Variants in CLVS1 observed in about 807,000 individuals in gnomAD.
CLVS1 encodes clavesin 1.
CLVS1 carries 10 observed loss-of-function variants against 33.1 expected under a neutral mutation model. That is an observed-to-expected ratio of 0.30 (90% CI 0.19 to 0.51). The LOEUF (loss-of-function observed/expected upper bound fraction) is 0.51. Ranked by LOEUF, CLVS1 falls within the 20% of genes least tolerant of loss-of-function variation. CLVS1 has a pLI of 0.97. For synonymous variants in CLVS1, 163 were observed against 166.1 expected (o/e 0.98, Z 0.14); for missense variants, 343 against 433.4 (o/e 0.79, Z 1.85).
intron 3 of CLVS1, among the ~76,000 whole-genome samples, chr8:61,398,083 C>T (rs530138054): frequency 6.6e-6 from 1 of 151,874 alleles, no homozygotes; most frequent in African/African-American, 2.4e-5. Flanking sequence ...TCTAGACCTA[C>T]TTGGGGAGTA....
rs528666671 is a variant in CLVS1, at chr8:61,185,176, C to CTCCA, written c.-152+53319_-152+53322dup. On this transcript the variant is annotated intron_variant, in intron 2 of 2. Transcript: ENST00000522621. ...TTTTGTTTTTTGTGACAAGATCTTG[C>CTCCA]TCCATCAGCCAGGCTAGAGTGCAGT... 9.1e-3 allele frequency among the ~76,000 whole-genome samples: 1,373 copies of CTCCA among 150,210 alleles called. 14 individuals are homozygous for CTCCA. Among genetic ancestry groups the CTCCA allele is most frequent in the Non-Finnish European group, 0.015 (1,013 of 67,770 alleles).
At chr8:61,312,657 C>A (rs968815921) in intron 2 of CLVS1, among the ~76,000 whole-genome samples, 1 of 152,164 alleles carries the variant, frequency 6.6e-6, no homozygotes, top group East Asian at 1.9e-4. Context: ...GTTAATAATG[C>A]TCCCAGGCAT....
intron 1 of CLVS1, among the ~76,000 whole-genome samples, chr8:61,086,459 A>G (rs1405281757): frequency 6.6e-6 from 1 of 152,250 alleles, no homozygotes; most frequent in East Asian, 1.9e-4. Context: ...TGCAAAGAAC[A>G]TACTTATACT....
rs1563484088 is a variant in CLVS1 at position 61,299,688 on chromosome 8, C to T, written c.-140C>T. 1 of 608,518 alleles carries T rather than the reference C, an allele frequency of 1.6e-6. No homozygotes were observed. Among genetic ancestry groups the T allele is most frequent in the Non-Finnish European group, 2.9e-6 (1 of 347,300 alleles). The allele number at this position is 608,518 out of a possible 1,614,324, so 37.7% of individuals were successfully genotyped here. Reference sequence around the variant, plus strand: ...TATTTGTTTTTCAGTAAGCAATGGCCTCAGTTTTGCTTCTGTTTTGGATGA... The same window carrying T: ...TATTTGTTTTTCAGTAAGCAATGGCTTCAGTTTTGCTTCTGTTTTGGATGA... On this transcript the variant is annotated 5_prime_UTR_variant, in exon 2 of 6. Transcript: ENST00000325897.
intron 2 of CLVS1, among the ~76,000 whole-genome samples, chr8:61,139,102 G>C (rs981575548): frequency 1.3e-5 from 2 of 152,236 alleles, no homozygotes; most frequent in Non-Finnish European, 2.9e-5. Flanking sequence ...TTGCTGCTAC[G>C]CCGCCCTTGA....
chr8:61,458,708 G>C (rs916401990), intron 5 of CLVS1, 166 bp downstream of exon 5: 1 of 565,688 alleles, frequency 1.8e-6, no homozygotes, highest in Non-Finnish European at 3.1e-6. Context: ...AAACAAATGG[G>C]GCTTGGCTGG....
intron 5 of CLVS1, among the ~76,000 whole-genome samples, chr8:61,472,336 G>T (rs907536163): frequency 2.0e-5 from 3 of 152,068 alleles, no homozygotes; most frequent in African/African-American, 7.3e-5. Context: ...AGTTTCTGGA[G>T]AGGGGAGGGA....
At chr8:61,318,567 A>T (rs919491287) in intron 2 of CLVS1, among the ~76,000 whole-genome samples, 1 of 152,186 alleles carries the variant, frequency 6.6e-6, no homozygotes, top group Admixed American at 6.5e-5. Context: ...CCCTTTTATT[A>T]TTTCTATCTT....
At chr8:61,192,975 A>T (rs529380956) in intron 2 of CLVS1, among the ~76,000 whole-genome samples, 2 of 152,316 alleles carry the variant, frequency 1.3e-5, no homozygotes, top group African/African-American at 4.8e-5. Context: ...TTCCTCAAGG[A>T]TCTAGAACTA....
At chr8:61,433,061 C>A (rs945427228) in intron 3 of CLVS1, among the ~76,000 whole-genome samples, 6 of 152,200 alleles carry the variant, frequency 3.9e-5, no homozygotes, top group Admixed American at 3.9e-4. Context: ...TCAGGTGATC[C>A]TCTCACTTCA....
intron 5 of CLVS1, among the ~76,000 whole-genome samples, chr8:61,468,052 C>T (rs1817613488): frequency 6.6e-6 from 1 of 151,848 alleles, no homozygotes; most frequent in Admixed American, 6.6e-5. Flanking sequence ...TTTTAATAAA[C>T]ACAAACATAT....
the CLVS1 span, among the ~76,000 whole-genome samples, chr8:61,016,872 G>A: frequency 1.3e-5 from 2 of 152,194 alleles, no homozygotes; most frequent in South Asian, 2.1e-4. Context: ...GAGGGGTACT[G>A]TTTAGTACGT....
upstream of CLVS1, among the ~76,000 whole-genome samples, chr8:61,054,680 A>G (rs1804446710): frequency 6.6e-6 from 1 of 151,984 alleles, no homozygotes; most frequent in Admixed American, 6.6e-5. Flanking sequence ...GGTGTGTTAA[A>G]AAGGAAAGTA....
intron 2 of CLVS1, among the ~76,000 whole-genome samples, chr8:61,327,198 T>C (rs1003380574): frequency 1.2e-4 from 19 of 152,170 alleles, no homozygotes; most frequent in African/African-American, 4.3e-4. Flanking sequence ...AACAAAGCAT[T>C]GTTTACATAT....
intron 5 of CLVS1, among the ~76,000 whole-genome samples, chr8:61,482,072 T>C (rs1292705198): frequency 6.6e-6 from 1 of 152,194 alleles, no homozygotes; most frequent in Middle Eastern, 3.2e-3. Flanking sequence ...CCACTGGTAA[T>C]ACCCAGACAA....
chr8:61,398,220 C>T (rs1814612871), intron 3 of CLVS1, among the ~76,000 whole-genome samples: 1 of 131,686 alleles, frequency 7.6e-6, no homozygotes, highest in Non-Finnish European at 1.6e-5. Context: ...CTTGCTTTGT[C>T]ACCCAGGGTG....
chr8:61,172,450 C>A (rs1029102003), intron 2 of CLVS1, among the ~76,000 whole-genome samples: 1 of 151,926 alleles, frequency 6.6e-6, no homozygotes, highest in African/African-American at 2.4e-5. Flanking sequence ...TTTCTCTTTG[C>A]AAGGAGCAAC....
At chr8:61,355,465 CAGGT>C (rs1406504314) in intron 2 of CLVS1, among the ~76,000 whole-genome samples, 1 of 151,808 alleles carries the variant, frequency 6.6e-6, no homozygotes, top group African/African-American at 2.4e-5. Flanking sequence ...GCACAATGTG[CAGGT>C]TAGTTACATA....
the CLVS1 span, among the ~76,000 whole-genome samples, chr8:61,015,090 A>T: frequency 6.6e-6 from 1 of 152,242 alleles, no homozygotes; most frequent in Non-Finnish European, 1.5e-5. Context: ...CCCAAAAAGC[A>T]TGGAAGGTAG....
Sources: gnomAD v4.1 joint callset for allele counts (sites outside exome capture counted in the v4.1 genomes callset) on GRCh38, gnomAD v4.1.1 for gene constraint, MANE v1.5 for transcripts, NCBI Gene and HGNC (gene_info 2026-07-23, HGNC 2026-07-21) for gene names.